The following ZMYND11 variants were observed in gnomAD, a reference collection of about 807,000 sequenced individuals.
ZMYND11 encodes the protein zinc finger MYND-type containing 11.
A neutral mutation model predicts 84.9 loss-of-function variants in ZMYND11; 9 were observed. The ratio of observed to expected loss-of-function variants is 0.11; its 90% CI spans 0.06 to 0.18. The LOEUF (loss-of-function observed/expected upper bound fraction) is 0.18, where lower values mean the gene tolerates loss of function less well. Among genes scored for constraint, ZMYND11 ranks in the 10% least tolerant of loss-of-function variants. The pLI is 1.00. For missense variants in ZMYND11, 409 were observed against 761.0 expected (o/e 0.54, Z 5.44); for synonymous variants, 250 against 244.1 (o/e 1.02, Z -0.23).
intron 1 of ZMYND11, among the ~76,000 whole-genome samples, chr10:174,225 A>C (rs2131686156): frequency 6.6e-6 from 1 of 152,348 alleles, no homozygotes; most frequent in East Asian, 1.9e-4. Context: ...CTAAAAAGTA[A>C]CAGTCTATCA....
At chr10:188,365 T>A (rs1939333520) in intron 2 of ZMYND11, among the ~76,000 whole-genome samples, 1 of 151,702 alleles carries the variant, frequency 6.6e-6, no homozygotes, top group East Asian at 1.9e-4. Flanking sequence ...GGCAGGTGGA[T>A]CGCTTGAGCT....
At chr10:248,282 A>G in intron 12 of ZMYND11, 54 bp from the exon 13 acceptor site, 2 of 1,573,684 alleles carry the variant, frequency 1.3e-6, no homozygotes, top group South Asian at 1.2e-5. Context: ...TAGTTCTTGA[A>G]CTGGTGAATT....
chr10:193,762 T>G (rs1193812364), intron 2 of ZMYND11, among the ~76,000 whole-genome samples: 1 of 152,234 alleles, frequency 6.6e-6, no homozygotes, highest in Admixed American at 6.5e-5. Context: ...CCTTCCATCA[T>G]TGATTTGCCT....
rs529366320 is a variant in ZMYND11, at chr10:211,243, G to GAA, written c.276+1204_276+1205dup. 2.7e-5 allele frequency among the ~76,000 whole-genome samples: 4 copies of GAA among 145,544 alleles called. 1 individual carries two copies. Among genetic ancestry groups the GAA allele is most frequent in the African/African-American group, 1.0e-4 (4 of 39,600 alleles). ...TCTATAGATATCTTTTTCTTAAAAA[G>GAA]AAAAAAAAAATCTATCTATAGATAT... is the stretch of plus-strand genomic sequence containing the variant. On this transcript the variant is annotated intron_variant, in intron 3 of 14. Transcript: ENST00000381604.
intron 1 of ZMYND11, among the ~76,000 whole-genome samples, chr10:159,291 A>G (rs993285344): frequency 2.0e-5 from 3 of 151,978 alleles, no homozygotes; most frequent in African/African-American, 7.3e-5. Flanking sequence ...GTAAATGTAT[A>G]TGTAATTTTG....
chr10:242,645 A>G (rs1462336303), intron 10 of ZMYND11, among the ~76,000 whole-genome samples: 2 of 152,234 alleles, frequency 1.3e-5, no homozygotes, highest in African/African-American at 4.8e-5. Context: ...ATATTGAGAT[A>G]AGGTGAAAAA....
At chr10:197,344 TTC>T in intron 2 of ZMYND11, among the ~76,000 whole-genome samples, 1 of 152,362 alleles carries the variant, frequency 6.6e-6, no homozygotes, top group East Asian at 1.9e-4. Flanking sequence ...TCATTGGAAC[TTC>T]TCTTTTTTTT....
intron 1 of ZMYND11, among the ~76,000 whole-genome samples, chr10:138,783 C>T (rs1554753122): frequency 6.6e-6 from 1 of 151,920 alleles, no homozygotes; most frequent in East Asian, 1.9e-4. Context: ...TAGACTTAGC[C>T]TTATGATAGT....
chr10:172,050 G>C (rs180762622), intron 1 of ZMYND11, among the ~76,000 whole-genome samples: 5 of 152,270 alleles, frequency 3.3e-5, no homozygotes, highest in East Asian at 3.9e-4. Flanking sequence ...TTATTGCTGT[G>C]TCCTCACATG....
intron 3 of ZMYND11, 26 bp from the exon 4 acceptor site, chr10:221,169 C>CA: frequency 6.2e-7 from 1 of 1,607,048 alleles, no homozygotes; most frequent in Non-Finnish European, 8.5e-7. Flanking sequence ...AAATGTCATA[C>CA]AAAACTATTT....
chr10:199,556 C>T (rs1942636893), intron 2 of ZMYND11, among the ~76,000 whole-genome samples: 1 of 151,866 alleles, frequency 6.6e-6, no homozygotes, highest in Non-Finnish European at 1.5e-5. Flanking sequence ...CAGCCTCCTC[C>T]TTGACTGGGA....
At chr10:181,673 T>C (rs1171223252) in intron 2 of ZMYND11, among the ~76,000 whole-genome samples, 9 of 151,872 alleles carry the variant, frequency 5.9e-5, no homozygotes, top group Admixed American at 5.9e-4. Flanking sequence ...AAAAAGGAGA[T>C]AGAGAAGGGG....
At chr10:219,976 T>A (rs758689873) in intron 3 of ZMYND11, among the ~76,000 whole-genome samples, 1 of 152,186 alleles carries the variant, frequency 6.6e-6, no homozygotes, top group Non-Finnish European at 1.5e-5. Flanking sequence ...TTTTTGAACA[T>A]TCATGTATCT....
At chr10:247,029 T>C (rs1952300394) in intron 11 of ZMYND11, 56 bp downstream of exon 11, 6 of 1,468,334 alleles carry the variant, frequency 4.1e-6, no homozygotes, top group Admixed American at 2.0e-5. Context: ...AATGCAGAAA[T>C]CTTAGTGCAC....
intron 3 of ZMYND11, among the ~76,000 whole-genome samples, chr10:212,843 A>G (rs1472653982): frequency 6.6e-6 from 1 of 152,176 alleles, no homozygotes; most frequent in Non-Finnish European, 1.5e-5. Context: ...TTCAACCTGT[A>G]TTCTCAAACA....
chr10:132,486 GAC>G (rs1214674982), upstream of ZMYND11, among the ~76,000 whole-genome samples: 1 of 151,942 alleles, frequency 6.6e-6, no homozygotes, highest in Non-Finnish European at 1.5e-5. Context: ...ACACTCACTA[GAC>G]ACACATTTTT....
At chr10:179,050 T>C (rs530594910) in intron 1 of ZMYND11, among the ~76,000 whole-genome samples, 10 of 152,274 alleles carry the variant, frequency 6.6e-5, no homozygotes, top group African/African-American at 2.4e-4. Flanking sequence ...AGGCTTAATG[T>C]TCACTGTATA....
intron 14 of ZMYND11, chr10:249,427 A>G: frequency 2.0e-6 from 2 of 985,390 alleles, no homozygotes; most frequent in Non-Finnish European, 2.4e-6. Flanking sequence ...GTGATTTCAG[A>G]TGGGTAACAT....
At chr10:163,487 AT>A (rs1350918050) in intron 1 of ZMYND11, among the ~76,000 whole-genome samples, 113 of 152,190 alleles carry the variant, frequency 7.4e-4, no homozygotes, top group Middle Eastern at 3.4e-3. Flanking sequence ...ATTGCCTCAA[AT>A]TTATTTTCTA....
Sources: gnomAD v4.1 joint callset for allele counts (sites outside exome capture counted in the v4.1 genomes callset) on GRCh38, gnomAD v4.1.1 for gene constraint, MANE v1.5 for transcripts, NCBI Gene and HGNC (gene_info 2026-07-23, HGNC 2026-07-21) for gene names.